The following CNBD1 variants were observed in gnomAD, a reference collection of about 807,000 sequenced individuals.
CNBD1 encodes the protein cyclic nucleotide binding domain containing 1, also known as cyclic nucleotide-binding domain-containing protein 1.
A neutral mutation model predicts 54.4 loss-of-function variants in CNBD1; 71 were observed. That is an observed-to-expected ratio of 1.30 (90% CI 1.08 to 1.59). CNBD1 has a LOEUF of 1.59. Among genes scored for constraint, CNBD1 ranks in the 40% most tolerant of loss-of-function variants. The probability of loss-of-function intolerance (pLI) is 0.00; values close to 1 mark genes in which losing one functional copy is unlikely to be tolerated. For synonymous variants in CNBD1, 182 were observed against 170.7 expected (o/e 1.07, Z -0.51); for missense variants, 659 against 518.0 (o/e 1.27, Z -2.64).
intron 4 of CNBD1, among the ~76,000 whole-genome samples, chr8:86,983,237 A>T (rs987828903): frequency 3.3e-5 from 5 of 152,146 alleles, no homozygotes; most frequent in African/African-American, 1.2e-4. Flanking sequence ...GTTTCCCTGC[A>T]CAATCTCTCT....
chr8:87,281,557 T>G (rs1192877027), intron 6 of CNBD1, among the ~76,000 whole-genome samples: 226 of 6,678 alleles, frequency 0.034, 2 homozygotes, highest in African/African-American at 0.12. Context: ...TATATATATA[T>G]ATATATATAT....
chr8:86,980,404 C>T (rs1808455098), intron 4 of CNBD1, among the ~76,000 whole-genome samples: 1 of 152,234 alleles, frequency 6.6e-6, no homozygotes, highest in Non-Finnish European at 1.5e-5. Flanking sequence ...TTATCCACTT[C>T]CTTAGTGCAT....
chr8:87,095,901 G>A (rs1422436040), intron 4 of CNBD1, among the ~76,000 whole-genome samples: 1 of 152,172 alleles, frequency 6.6e-6, no homozygotes, highest in African/African-American at 2.4e-5. Context: ...CTCGTGATCT[G>A]CCCGCCTTGG....
intron 2 of CNBD1, among the ~76,000 whole-genome samples, chr8:87,389,392 C>A (rs1009626044): frequency 1.3e-5 from 2 of 152,136 alleles, no homozygotes; most frequent in Non-Finnish European, 2.9e-5. Context: ...TGATAGGCAA[C>A]TTCAGGAAAG....
At chr8:86,970,332 C>T (rs1019456804) in intron 4 of CNBD1, among the ~76,000 whole-genome samples, 22 of 152,074 alleles carry the variant, frequency 1.4e-4, no homozygotes, top group Non-Finnish European at 2.6e-4. Context: ...TTATTTTTTT[C>T]TGTTCTTATG....
chr8:87,009,447 C>A (rs560799162), intron 4 of CNBD1, among the ~76,000 whole-genome samples: 290 of 152,018 alleles, frequency 1.9e-3, no homozygotes, highest in African/African-American at 6.7e-3. Flanking sequence ...ACTACAGGCA[C>A]GTGCCACAAC....
chr8:86,899,030 A>G (rs1188902741), intron 2 of CNBD1, among the ~76,000 whole-genome samples: 1 of 152,198 alleles, frequency 6.6e-6, no homozygotes, highest in Non-Finnish European at 1.5e-5. Context: ...TTGCTACAAC[A>G]TAGATGAACC....
intron 4 of CNBD1, among the ~76,000 whole-genome samples, chr8:87,180,652 T>G (rs1483550986): frequency 6.6e-6 from 1 of 152,164 alleles, no homozygotes; most frequent in Non-Finnish European, 1.5e-5. Context: ...TATTTGATAA[T>G]GTAAAGATGA....
Position 87,421,917 on chromosome 8 carries a change from C to G in CNBD1, c.214-6629C>G, listed in dbSNP as rs1423949800. The stretch of plus-strand genomic sequence containing the variant: ...CAGTGTAAAAGTGTTCCTATTTCTC[C>G]ACATCCTCTCCAGCACCTGTTGTTT... On this transcript the variant is annotated intron_variant, in intron 2 of 7. Coordinates refer to the CNBD1 transcript ENST00000521593. Among the ~76,000 whole-genome samples, 161 of 148,462 alleles carry G rather than the reference C, an allele frequency of 1.1e-3. 2 individuals carry two copies. In the Middle Eastern group the frequency reaches 0.028, roughly 26 times the overall value.
At chr8:87,347,863 CT>C (rs1810207375) in intron 8 of CNBD1, among the ~76,000 whole-genome samples, 1 of 152,064 alleles carries the variant, frequency 6.6e-6, no homozygotes, top group Non-Finnish European at 1.5e-5. Context: ...TTCACCTTCC[CT>C]ATTTTGCAGT....
chr8:87,296,504 T>A (rs1287308432), intron 8 of CNBD1, among the ~76,000 whole-genome samples: 2 of 152,070 alleles, frequency 1.3e-5, no homozygotes, highest in Non-Finnish European at 2.9e-5. Flanking sequence ...GGTTTCTTTG[T>A]GAATGGTGAC....
chr8:86,957,152 C>A (rs1024307059), intron 4 of CNBD1, among the ~76,000 whole-genome samples: 2 of 152,204 alleles, frequency 1.3e-5, no homozygotes, highest in South Asian at 2.1e-4. Context: ...GTATGTTGAA[C>A]TAGCCTTGCA....
intron 2 of CNBD1, among the ~76,000 whole-genome samples, chr8:86,898,452 G>A (rs7833833): frequency 0.34 from 51,850 of 151,954 alleles, 9,018 homozygotes; most frequent in East Asian, 0.42. Flanking sequence ...AATCAAGACA[G>A]TGTGGTATTA....
chr8:87,217,771 G>T (rs1773005739), intron 5 of CNBD1, among the ~76,000 whole-genome samples: 1 of 151,776 alleles, frequency 6.6e-6, no homozygotes, highest in Admixed American at 6.6e-5. Flanking sequence ...AGATTGACTG[G>T]CTTATACTAG....
chr8:87,255,489 T>C (rs1345938093), intron 6 of CNBD1, among the ~76,000 whole-genome samples: 1 of 152,152 alleles, frequency 6.6e-6, no homozygotes, highest in African/African-American at 2.4e-5. Context: ...CAATTTAACA[T>C]ATACCTGCCA....
intron 4 of CNBD1, among the ~76,000 whole-genome samples, chr8:87,190,648 G>C (rs1813581832): frequency 6.6e-6 from 1 of 151,876 alleles, no homozygotes; most frequent in South Asian, 2.1e-4. Context: ...TAAGCTTTAG[G>C]CTTGCCATTT....
intron 4 of CNBD1, among the ~76,000 whole-genome samples, chr8:87,195,827 C>A (rs148987985): frequency 0.028 from 4,207 of 152,138 alleles, 161 homozygotes; most frequent in African/African-American, 0.083. Flanking sequence ...CCTGCTTTGG[C>A]CTCCCAAAGT....
chr8:87,188,233 G>A (rs1409989225), intron 4 of CNBD1, among the ~76,000 whole-genome samples: 1 of 152,026 alleles, frequency 6.6e-6, no homozygotes, highest in African/African-American at 2.4e-5. Flanking sequence ...ACTAGATTAC[G>A]TCTCTCCACT....
At chr8:87,164,683 T>C (rs1446360274) in intron 4 of CNBD1, among the ~76,000 whole-genome samples, 2 of 151,804 alleles carry the variant, frequency 1.3e-5, no homozygotes, top group East Asian at 3.9e-4. Context: ...TCTTTTTCTT[T>C]AGTCCATCTA....
Sources: allele counts gnomAD v4.1 joint callset (sites outside exome capture counted in the v4.1 genomes callset), GRCh38; gene constraint gnomAD v4.1.1; transcripts MANE v1.5; gene names NCBI Gene and HGNC (gene_info 2026-07-23, HGNC 2026-07-21).